INTS14: variants seen among roughly 807,000 people sequenced by gnomAD.
INTS14 encodes the protein integrator complex subunit 14.
A neutral mutation model predicts 56.9 loss-of-function variants in INTS14; 27 were observed. The ratio of observed to expected loss-of-function variants is 0.47; its 90% CI spans 0.35 to 0.65. INTS14 has a LOEUF of 0.65. Among genes scored for constraint, INTS14 ranks in the 30% least tolerant of loss-of-function variants. INTS14 has a pLI of 0.00. For missense variants in INTS14, 517 were observed against 632.2 expected (o/e 0.82, Z 1.95); for synonymous variants, 207 against 236.2 (o/e 0.88, Z 1.13).
intron 9 of INTS14, among the ~76,000 whole-genome samples, chr15:65,587,948 C>T (rs1020537006): frequency 6.6e-6 from 1 of 152,044 alleles, no homozygotes; most frequent in Non-Finnish European, 1.5e-5. Flanking sequence ...TGCACTTCAG[C>T]CTGGGTGACA....
intron 11 of INTS14, 139 bp downstream of exon 11, chr15:65,581,815 T>C: frequency 1.2e-6 from 1 of 804,800 alleles, no homozygotes. Context: ...AACAGACCTA[T>C]CACTTTTACT....
At chr15:65,589,311 C>T (rs145654976) in intron 9 of INTS14, among the ~76,000 whole-genome samples, 5 of 152,324 alleles carry the variant, frequency 3.3e-5, no homozygotes, top group African/African-American at 1.2e-4. Flanking sequence ...GTGCACACCA[C>T]CATGCCCAGC....
chr15:65,605,582 C>T (rs2073614736), intron 2 of INTS14, among the ~76,000 whole-genome samples: 1 of 152,108 alleles, frequency 6.6e-6, no homozygotes, highest in Non-Finnish European at 1.5e-5. Context: ...TTCTAAACAC[C>T]ATCCTAGGCA....
chr15:65,583,251 C>T (rs2072694486), intron 10 of INTS14, among the ~76,000 whole-genome samples: 1 of 152,124 alleles, frequency 6.6e-6, no homozygotes, highest in African/African-American at 2.4e-5. Flanking sequence ...ATGTTTGTAA[C>T]AGCATTATCC....
chr15:65,579,387 G>T lies in INTS14; in HGVS notation c.*21C>A. 6.3e-7 allele frequency: 1 copy of T among 1,598,852 alleles called. No individual in the cohort carries two copies. The highest frequency in any genetic ancestry group is 1.1e-5 in the South Asian group (1 of 90,328). On this transcript the variant is annotated 3_prime_UTR_variant, in exon 12 of 12. Coordinates refer to ENST00000313182, the MANE Select transcript of INTS14 (RefSeq NM_001394796.1). ...ATTTTCAGTTGAAATGAAAAAAGAA[G>T]GAAAGCTCCAAAAGTCAGTTTCAAA...
chr15:65,605,261 C>T, intron 2 of INTS14, 25 bp from the exon 3 acceptor site: 1 of 1,554,920 alleles, frequency 6.4e-7, no homozygotes, highest in South Asian at 1.1e-5. Flanking sequence ...GATAAAATTG[C>T]TAGTTACTCT....
chr15:65,608,364 C>CAAA (rs35399300), intron 1 of INTS14, among the ~76,000 whole-genome samples: 35 of 63,976 alleles, frequency 5.5e-4, no homozygotes, highest in South Asian at 1.9e-3. Flanking sequence ...GGCTCCATCT[C>CAAA]AAAAAAAAAA....
intron 3 of INTS14, among the ~76,000 whole-genome samples, chr15:65,601,974 G>GGGAGGTTGAGGCCAGAGGATCACT (rs1367146535): frequency 6.6e-6 from 1 of 152,154 alleles, no homozygotes; most frequent in Non-Finnish European, 1.5e-5. Flanking sequence ...CCAGCACTTT[G>GGGAGGTTGAGGCCAGAGGATCACT]GGAGGTTGAG....
intron 9 of INTS14, among the ~76,000 whole-genome samples, chr15:65,589,085 G>C (rs1170296815): frequency 6.6e-6 from 1 of 152,246 alleles, no homozygotes; most frequent in Non-Finnish European, 1.5e-5. Context: ...TTGGAAGCCA[G>C]ATCAGAAAGG....
At chr15:65,591,805 A>G in intron 8 of INTS14, 74 bp from the exon 9 acceptor site, 1 of 1,520,934 alleles carries the variant, frequency 6.6e-7, no homozygotes, top group East Asian at 2.3e-5. Flanking sequence ...TCTAGCCTGT[A>G]TTTTTCTCTT....
chr15:65,595,686 T>G, intron 7 of INTS14, 47 bp downstream of exon 7: 2 of 1,440,338 alleles, frequency 1.4e-6, no homozygotes. Flanking sequence ...TAAGAACAAC[T>G]TTAGTTAATA....
chr15:65,595,499 C>A (rs567326123), intron 7 of INTS14, among the ~76,000 whole-genome samples: 1 of 152,358 alleles, frequency 6.6e-6, no homozygotes, highest in East Asian at 1.9e-4. Flanking sequence ...CTAAAGAGGA[C>A]CTCCACTGTC....
chr15:65,594,226 G>A (rs1276468673), intron 7 of INTS14, among the ~76,000 whole-genome samples: 3 of 152,160 alleles, frequency 2.0e-5, no homozygotes, highest in Non-Finnish European at 4.4e-5. Context: ...CTCACACTCT[G>A]CTGACAGATG....
In INTS14 at chr15:65,589,095, G is replaced by A. The variant is rs140136696; in HGVS notation, c.1120+2503C>T. 9.3e-4 allele frequency among the ~76,000 whole-genome samples: 142 copies of A among 152,324 alleles called. 1 individual carries two copies. The highest frequency in any genetic ancestry group is 2.9e-3 in the East Asian group (15 of 5,192). ...CTATGTTGGAAGCCAGATCAGAAAGGAGTCTGAATGCTACTACTATCTTAG... is the reference window on the plus strand; with the variant it reads ...CTATGTTGGAAGCCAGATCAGAAAGAAGTCTGAATGCTACTACTATCTTAG... On this transcript the variant is annotated intron_variant, in intron 9 of 11. Transcript: ENST00000313182.
chr15:65,605,344 T>C, intron 2 of INTS14, 108 bp from the exon 3 acceptor site: 2 of 771,494 alleles, frequency 2.6e-6, no homozygotes, highest in Admixed American at 4.6e-5. Flanking sequence ...GACACTGATG[T>C]ATCTGAGAGC....
At chr15:65,593,277 G>T in intron 8 of INTS14, 151 bp downstream of exon 8, 1 of 891,724 alleles carries the variant, frequency 1.1e-6, no homozygotes, top group South Asian at 2.1e-5. Context: ...CAAAAAAAAA[G>T]GACTGTAGTA....
chr15:65,591,575 G>C (rs772960745), intron 9 of INTS14, 23 bp downstream of exon 9: 1 of 1,609,614 alleles, frequency 6.2e-7, no homozygotes, highest in Non-Finnish European at 8.5e-7. Context: ...GTCAGGATAA[G>C]TAAAATCTGA....
intron 1 of INTS14, among the ~76,000 whole-genome samples, chr15:65,609,043 G>A (rs1447077294): frequency 1.3e-5 from 2 of 152,092 alleles, no homozygotes; most frequent in East Asian, 1.9e-4. Context: ...GACTACAGGC[G>A]CGAGTAGCCA....
intron 9 of INTS14, among the ~76,000 whole-genome samples, chr15:65,591,261 A>G (rs1334598560): frequency 1.3e-5 from 2 of 152,210 alleles, no homozygotes. Flanking sequence ...AAGTTTCAAG[A>G]AGGAGGAAAG....
Sources: allele counts gnomAD v4.1 joint callset (sites outside exome capture counted in the v4.1 genomes callset), GRCh38; gene constraint gnomAD v4.1.1; transcripts MANE v1.5; gene names NCBI Gene and HGNC (gene_info 2026-07-23, HGNC 2026-07-21).